The following GNAT3 variants were observed in gnomAD, a reference collection of about 807,000 sequenced individuals.
GNAT3 encodes the protein G protein subunit alpha transducin 3, also known as guanine nucleotide-binding protein G(t) subunit alpha-3.
A neutral mutation model predicts 37.7 loss-of-function variants in GNAT3; 31 were observed. The observed-to-expected ratio is 0.82, with a 90% CI of 0.62 to 1.11. The LOEUF is 1.11. Ranked by LOEUF, GNAT3 falls within the 50% of genes most tolerant of loss-of-function variation. GNAT3 has a pLI of 0.00. For synonymous variants in GNAT3, 138 were observed against 139.8 expected (o/e 0.99, Z 0.09); for missense variants, 437 against 412.5 (o/e 1.06, Z -0.51).
intron 1 of GNAT3, among the ~76,000 whole-genome samples, chr7:80,498,040 A>T (rs1015525751): frequency 6.6e-6 from 1 of 152,150 alleles, no homozygotes; most frequent in Non-Finnish European, 1.5e-5. Context: ...TTTTAGGCAG[A>T]TTAAAAAATC....
At chr7:80,501,201 AT>A (rs535155377) in intron 1 of GNAT3, among the ~76,000 whole-genome samples, 14 of 151,948 alleles carry the variant, frequency 9.2e-5, no homozygotes, top group Non-Finnish European at 1.6e-4. Flanking sequence ...CAAACTTTTT[AT>A]TTTGATAATT....
intron 3 of GNAT3, among the ~76,000 whole-genome samples, chr7:80,481,699 G>A (rs1326555786): frequency 6.6e-6 from 1 of 152,054 alleles, no homozygotes; most frequent in Non-Finnish European, 1.5e-5. Flanking sequence ...TTAGCTGAAA[G>A]TCTAGCACTT....
At chr7:80,475,168 A>T (rs1790282945) in intron 4 of GNAT3, among the ~76,000 whole-genome samples, 1 of 151,978 alleles carries the variant, frequency 6.6e-6, no homozygotes, top group African/African-American at 2.4e-5. Context: ...TACCCCTTCC[A>T]GGAAGCTATA....
At chr7:80,505,323 GATAAT>G (rs1338764115) in intron 1 of GNAT3, among the ~76,000 whole-genome samples, 1 of 152,086 alleles carries the variant, frequency 6.6e-6, no homozygotes, top group African/African-American at 2.4e-5. Context: ...AAGTATGAGA[GATAAT>G]AGAATATAAA....
chr7:80,471,120 G>A lies in GNAT3; in HGVS notation c.590+3131C>T, dbSNP rs1419814780. Reference sequence around the variant, plus strand: ...CTATCTCTGGGAGGGCGGCTGATGTGGTGGCAGTACCAGCTGAGGGGAACT... The same window carrying A: ...CTATCTCTGGGAGGGCGGCTGATGTAGTGGCAGTACCAGCTGAGGGGAACT... On this transcript the variant is annotated intron_variant, in intron 5 of 7. Transcript: ENST00000398291. 3.3e-5 allele frequency among the ~76,000 whole-genome samples: 5 copies of A among 150,460 alleles called. No individual in the cohort carries two copies. In the East Asian group the frequency reaches 1.0e-3, roughly 31 times the overall value.
chr7:80,475,547 T>C (rs1156713755), intron 4 of GNAT3, among the ~76,000 whole-genome samples: 1 of 152,014 alleles, frequency 6.6e-6, no homozygotes, highest in Non-Finnish European at 1.5e-5. Context: ...ACCACATTTA[T>C]AGAAAGATAA....
intron 5 of GNAT3, among the ~76,000 whole-genome samples, chr7:80,467,836 C>G (rs1790150475): frequency 6.6e-6 from 1 of 151,954 alleles, no homozygotes; most frequent in Non-Finnish European, 1.5e-5. Context: ...TGCTTGAATA[C>G]TCTTAACTCC....
intron 5 of GNAT3, among the ~76,000 whole-genome samples, chr7:80,473,457 T>A (rs998451857): frequency 6.6e-6 from 1 of 152,146 alleles, no homozygotes; most frequent in African/African-American, 2.4e-5. Context: ...CCACTCTATC[T>A]CCAGTTTTTT....
Position 80,494,613 on chromosome 7 carries a change from T to A in GNAT3, c.153A>T (p.Lys51Asn). 1 of 1,523,100 alleles carries A rather than the reference T, an allele frequency of 6.6e-7. No homozygotes were observed. Among genetic ancestry groups the A allele is most frequent in the Non-Finnish European group, 9.0e-7 (1 of 1,111,802 alleles). The allele number at this position is 1,523,100 out of a possible 1,614,324, so 94.3% of individuals were successfully genotyped here. The change falls in exon 2 of 8, where the codon AAA becomes AAT. Residue 51 changes from lysine to asparagine, a missense_variant. Lys to Asn is a moderately conservative substitution (Grantham distance 94). Coordinates refer to ENST00000398291, the MANE Select transcript of GNAT3 (RefSeq NM_001102386.3). ...GACAGATGTATACCTACTTCATTTG[T>A]TTAACAATAGTACTTTTCCCAGATT... The part of the protein sequence containing the change: ...AGESGKSTIV[K>N]QMKIIHKNGY...
chr7:80,495,753 A>C (rs1445893315), intron 1 of GNAT3, among the ~76,000 whole-genome samples: 1 of 152,052 alleles, frequency 6.6e-6, no homozygotes, highest in Non-Finnish European at 1.5e-5. Flanking sequence ...GGTGTGAGCC[A>C]CTGCACCTGG....
chr7:80,495,469 T>G (rs570542714), intron 1 of GNAT3, among the ~76,000 whole-genome samples: 2,076 of 149,944 alleles, frequency 0.014, 48 homozygotes, highest in African/African-American at 0.049. Flanking sequence ...TTTTTTGGTT[T>G]GTTTGTTTTT....
chr7:80,473,573 T>C (rs1417523858), intron 5 of GNAT3, among the ~76,000 whole-genome samples: 2 of 152,120 alleles, frequency 1.3e-5, no homozygotes, highest in African/African-American at 4.8e-5. Context: ...CTGCTATTAA[T>C]GTTTAATATT....
At chr7:80,487,395 T>C (rs1036544374) in intron 3 of GNAT3, among the ~76,000 whole-genome samples, 1 of 152,130 alleles carries the variant, frequency 6.6e-6, no homozygotes, top group African/African-American at 2.4e-5. Flanking sequence ...ATCAGTAAAA[T>C]ACCTGACTCC....
At chr7:80,509,078 A>G (rs1487899063) in intron 1 of GNAT3, among the ~76,000 whole-genome samples, 1 of 152,084 alleles carries the variant, frequency 6.6e-6, no homozygotes, top group Non-Finnish European at 1.5e-5. Context: ...ATGATGGGAA[A>G]AATTAAATAG....
intron 1 of GNAT3, among the ~76,000 whole-genome samples, chr7:80,503,204 C>T (rs1452690993): frequency 1.3e-5 from 2 of 152,060 alleles, no homozygotes; most frequent in South Asian, 2.1e-4. Flanking sequence ...AAAGGTATAC[C>T]TGTGTTCTAG....
chr7:80,474,750 A>G (rs1426004251), intron 4 of GNAT3, among the ~76,000 whole-genome samples: 1 of 152,156 alleles, frequency 6.6e-6, no homozygotes, highest in Non-Finnish European at 1.5e-5. Flanking sequence ...TTGCTTGTAT[A>G]TGGATAGGAG....
intron 4 of GNAT3, among the ~76,000 whole-genome samples, chr7:80,476,569 T>C (rs1790305791): frequency 6.6e-6 from 1 of 151,450 alleles, no homozygotes; most frequent in South Asian, 2.1e-4. Context: ...CTTTCCCTTA[T>C]TCTGATTATA....
chr7:80,483,260 A>AAGG (rs1342660643), intron 3 of GNAT3, among the ~76,000 whole-genome samples: 7 of 152,100 alleles, frequency 4.6e-5, no homozygotes, highest in Non-Finnish European at 8.8e-5. Context: ...TTAACCATAA[A>AAGG]TAACACTTTA....
At chr7:80,508,759 G>A (rs186989250) in intron 1 of GNAT3, among the ~76,000 whole-genome samples, 3 of 151,994 alleles carry the variant, frequency 2.0e-5, no homozygotes, top group African/African-American at 4.8e-5. Context: ...CACTTTGACC[G>A]CTCTTCAGAT....
Sources: allele counts gnomAD v4.1 joint callset (sites outside exome capture counted in the v4.1 genomes callset), GRCh38; gene constraint gnomAD v4.1.1; transcripts MANE v1.5; gene names NCBI Gene and HGNC (gene_info 2026-07-23, HGNC 2026-07-21).